Variants in DHX32 observed in about 807,000 individuals in gnomAD.
DHX32 encodes DEAH-box helicase 32 (putative), also known as putative pre-mRNA-splicing factor ATP-dependent RNA helicase DHX32.
A neutral mutation model predicts 70.0 loss-of-function variants in DHX32; 51 were observed. The observed-to-expected ratio is 0.73, with a 90% CI of 0.58 to 0.92. DHX32 has a LOEUF of 0.92. Among genes scored for constraint, DHX32 ranks in the 40% least tolerant of loss-of-function variants. DHX32 has a pLI of 0.00. For synonymous variants in DHX32, 310 were observed against 315.3 expected (o/e 0.98, Z 0.18); for missense variants, 762 against 891.8 (o/e 0.85, Z 1.85).
chr10:125,844,335 C>T (rs1854955238), intron 6 of DHX32, among the ~76,000 whole-genome samples: 2 of 152,248 alleles, frequency 1.3e-5, no homozygotes, highest in South Asian at 4.1e-4. Flanking sequence ...TTATAAGTTA[C>T]AGGATCTTTG....
intron 2 of DHX32, 148 bp from the exon 3 acceptor site, chr10:125,860,123 C>T (rs1414238097): frequency 7.3e-6 from 5 of 683,134 alleles, no homozygotes; most frequent in Middle Eastern, 8.2e-4. Context: ...TAAGTTGATA[C>T]AATCTACAGA....
chr10:125,871,337 C>CA (rs2134065391), intron 1 of DHX32, among the ~76,000 whole-genome samples: 1 of 152,308 alleles, frequency 6.6e-6, no homozygotes, highest in Admixed American at 6.5e-5. Context: ...ATCTAAATAT[C>CA]AGTTACAATA....
chr10:125,857,060 T>C (rs1944153050), intron 3 of DHX32, among the ~76,000 whole-genome samples: 1 of 152,222 alleles, frequency 6.6e-6, no homozygotes, highest in South Asian at 2.1e-4. Flanking sequence ...TTTAAAGCTT[T>C]ATATAGAAAT....
intron 4 of DHX32, 120 bp downstream of exon 4, chr10:125,853,841 C>T: frequency 5.4e-6 from 7 of 1,301,762 alleles, no homozygotes; most frequent in Non-Finnish European, 7.3e-6. Flanking sequence ...TGACCAAATT[C>T]AACGAATCCC....
At chr10:125,837,815 C>T (rs1420355992) in intron 10 of DHX32, among the ~76,000 whole-genome samples, 1 of 152,204 alleles carries the variant, frequency 6.6e-6, no homozygotes, top group Non-Finnish European at 1.5e-5. Flanking sequence ...TAAAGCCTTA[C>T]ACCTTCTGGT....
intron 6 of DHX32, among the ~76,000 whole-genome samples, chr10:125,844,438 C>A (rs982949371): frequency 6.6e-6 from 1 of 152,170 alleles, no homozygotes; most frequent in South Asian, 2.1e-4. Flanking sequence ...TTGAGTTGGC[C>A]GCACACAGGG....
intron 3 of DHX32, among the ~76,000 whole-genome samples, chr10:125,858,240 A>G (rs1033519669): frequency 2.0e-5 from 3 of 152,032 alleles, no homozygotes; most frequent in Admixed American, 2.0e-4. Context: ...ACTCTCAAAT[A>G]TATTAGATTT....
intron 3 of DHX32, chr10:125,854,456 A>T (rs185306093): frequency 3.3e-6 from 1 of 300,774 alleles, no homozygotes; most frequent in Non-Finnish European, 6.1e-6. Flanking sequence ...AAATCTAAGT[A>T]AAAAAGATGA....
chr10:125,836,929 C>T, intron 10 of DHX32, 74 bp from the exon 11 acceptor site: 1 of 1,322,540 alleles, frequency 7.6e-7, no homozygotes, highest in Non-Finnish European at 1.1e-6. Flanking sequence ...TATGTCTGGG[C>T]ACTTCCCATC....
At chr10:125,840,787 T>G in intron 8 of DHX32, 60 bp downstream of exon 8, 6 of 1,503,396 alleles carry the variant, frequency 4.0e-6, no homozygotes, top group Non-Finnish European at 5.4e-6. Flanking sequence ...TAATAAGGAC[T>G]CAGACTTATC....
intron 6 of DHX32, among the ~76,000 whole-genome samples, chr10:125,843,599 G>A (rs1188467986): frequency 1.3e-5 from 2 of 151,386 alleles, no homozygotes; most frequent in African/African-American, 2.4e-5. Context: ...GCGACAGAGC[G>A]AGACTCCGTC....
At chr10:125,853,633 C>T in intron 4 of DHX32, 1 of 249,858 alleles carries the variant, frequency 4.0e-6, no homozygotes, top group Non-Finnish European at 7.6e-6. Flanking sequence ...AAGAGTCAAA[C>T]AATTTGCTTT....
At chr10:125,887,677 G>A (rs1944347673) in intron 1 of DHX32, among the ~76,000 whole-genome samples, 1 of 151,792 alleles carries the variant, frequency 6.6e-6, no homozygotes, top group Admixed American at 6.6e-5. Flanking sequence ...CAGAGTCTAT[G>A]TTGCCCAGGC....
chr10:125,836,914 A>G lies in DHX32; in HGVS notation c.2064-59T>C, dbSNP rs192701781. ...GTGGGGAAGGTGGTGAGAGACACCA[A>G]ACATTATGTCTGGGCACTTCCCATC... On this transcript the variant is annotated intron_variant, in intron 10 of 10. Coordinates refer to ENST00000284690, the MANE Select transcript of DHX32 (RefSeq NM_018180.3). 70 of 1,489,284 alleles carry G rather than the reference A, an allele frequency of 4.7e-5. No individual in the cohort carries two copies. In the African/African-American group the frequency reaches 8.4e-4, roughly 18 times the overall value. 92.3% of individuals were successfully genotyped at this position (1,489,284 alleles called of 1,614,324 possible). A position where few individuals can be genotyped will look rare whatever the true frequency, so the allele number is the denominator to read the frequency against.
chr10:125,842,944 T>G (rs554670179), intron 6 of DHX32: 1 of 294,194 alleles, frequency 3.4e-6, no homozygotes, highest in Non-Finnish European at 5.1e-6. Context: ...AATAAGGCTA[T>G]ATATAGATTG....
At chr10:125,872,096 A>G (rs1235562570) in intron 1 of DHX32, among the ~76,000 whole-genome samples, 1 of 152,032 alleles carries the variant, frequency 6.6e-6, no homozygotes, top group Admixed American at 6.5e-5. Context: ...TCCCAACCTC[A>G]GGTGATCCGC....
chr10:125,877,711 T>C (rs1323153890), intron 1 of DHX32, among the ~76,000 whole-genome samples: 5 of 152,102 alleles, frequency 3.3e-5, no homozygotes, highest in African/African-American at 9.6e-5. Context: ...GATAATAAAA[T>C]AGGTAAACTC....
At chr10:125,846,114 A>G (rs1440965743) in intron 6 of DHX32, among the ~76,000 whole-genome samples, 1 of 152,160 alleles carries the variant, frequency 6.6e-6, no homozygotes, top group Non-Finnish European at 1.5e-5. Flanking sequence ...TCTAGTCAGT[A>G]TTCCTCAAGC....
intron 6 of DHX32, 74 bp downstream of exon 6, chr10:125,852,219 A>G (rs1267954767): frequency 1.3e-5 from 20 of 1,560,436 alleles, no homozygotes; most frequent in Non-Finnish European, 1.4e-5. Flanking sequence ...CATCATGTGA[A>G]CTCAGGACAG....
Sources: allele counts gnomAD v4.1 joint callset (sites outside exome capture counted in the v4.1 genomes callset), GRCh38; gene constraint gnomAD v4.1.1; transcripts MANE v1.5; gene names NCBI Gene and HGNC (gene_info 2026-07-23, HGNC 2026-07-21).